FGF18: variants seen among roughly 807,000 people sequenced by gnomAD.
The protein encoded by FGF18 is fibroblast growth factor 18.
In FGF18, 5 loss-of-function variants were observed where a neutral mutation model predicts 23.0. That is an observed-to-expected ratio of 0.22 (90% CI 0.11 to 0.46). The LOEUF (loss-of-function observed/expected upper bound fraction) is 0.46. Among genes scored for constraint, FGF18 ranks in the 20% least tolerant of loss-of-function variants. The probability of loss-of-function intolerance (pLI) is 0.99; values close to 1 mark genes in which losing one functional copy is unlikely to be tolerated. For missense variants in FGF18, 180 were observed against 291.6 expected, an observed-to-expected ratio of 0.62 and a Z score of 2.79; for synonymous variants, 117 against 118.9, an observed-to-expected ratio of 0.98 and a Z score of 0.10.
intron 3 of FGF18, among the ~76,000 whole-genome samples, chr5:171,443,227 T>C (rs1561888915): frequency 6.6e-6 from 1 of 152,102 alleles, no homozygotes; most frequent in Non-Finnish European, 1.5e-5. Flanking sequence ...CCTCCAAGGT[T>C]CAAGTGATTC....
At position 171,419,963 on chromosome 5, in the gene FGF18, C is replaced by T. The variant is rs1481702156; in HGVS notation, c.-237C>T. ...TGCACAGCGGCTGCCGCCCCGCAGC[C>T]CCTGCGCCAGCCCGGAGGGCGCAGC... On this transcript the variant is annotated 5_prime_UTR_variant, in exon 1 of 5. Coordinates refer to ENST00000274625, the MANE Select transcript of FGF18 (RefSeq NM_003862.3). 5.9e-6 allele frequency: 1 copy of T among 170,782 alleles called. No individual in the cohort carries two copies. Among genetic ancestry groups the T allele is most frequent in the African/African-American group, 2.4e-5 (1 of 41,648 alleles). The allele number at this position is 170,782 out of a possible 1,614,324, so 10.6% of individuals were successfully genotyped here. A position where few individuals can be genotyped will look rare whatever the true frequency, so the allele number is the denominator to read the frequency against.
At chr5:171,453,393 G>T (rs187206949) in intron 4 of FGF18, among the ~76,000 whole-genome samples, 1 of 152,198 alleles carries the variant, frequency 6.6e-6, no homozygotes, top group Non-Finnish European at 1.5e-5. Context: ...CATTGAGCCC[G>T]CGTGACTGGC....
At chr5:171,446,285 C>T (rs778801725) in intron 3 of FGF18, among the ~76,000 whole-genome samples, 28 of 152,108 alleles carry the variant, frequency 1.8e-4, no homozygotes, top group Non-Finnish European at 3.2e-4. Context: ...TTGGACAGCT[C>T]AGGCAAAGGC....
chr5:171,433,516 C>T (rs1772208778), intron 2 of FGF18, among the ~76,000 whole-genome samples: 1 of 152,130 alleles, frequency 6.6e-6, no homozygotes, highest in Admixed American at 6.5e-5. Context: ...GACAAATGCC[C>T]ACCAGGTGTG....
chr5:171,420,561 GCACCTGTTCCC>G, intron 2 of FGF18, 118 bp downstream of exon 2: 1 of 990,698 alleles, frequency 1.0e-6, no homozygotes, highest in East Asian at 2.5e-5. Context: ...TGAGCCCAGT[GCACCTGTTCCC>G]AGGGCGCGGA....
At chr5:171,435,788 C>T (rs1040133723) in intron 2 of FGF18, among the ~76,000 whole-genome samples, 10 of 152,148 alleles carry the variant, frequency 6.6e-5, no homozygotes, top group South Asian at 2.1e-4. Flanking sequence ...TACCGAGAAT[C>T]GTTCTTGCTT....
chr5:171,450,833 A>G (rs1772491744), intron 4 of FGF18, among the ~76,000 whole-genome samples: 2 of 151,612 alleles, frequency 1.3e-5, no homozygotes, highest in Non-Finnish European at 2.9e-5. Context: ...GCCCCGCGTC[A>G]GGCGCTTTGT....
chr5:171,427,804 G>C (rs552081373), intron 2 of FGF18, among the ~76,000 whole-genome samples: 1 of 152,134 alleles, frequency 6.6e-6, no homozygotes, highest in Non-Finnish European at 1.5e-5. Flanking sequence ...TGTTTCCCCC[G>C]ATCCCCATCC....
rs1196376835 is a variant in FGF18 at position 171,440,571 on chromosome 5, C to T, written c.250+4298C>T. Among the ~76,000 whole-genome samples the T allele has an allele frequency of 6.6e-6, 1 of 152,110 alleles. No individual in the cohort carries two copies. Among genetic ancestry groups the T allele is most frequent in the Non-Finnish European group, 1.5e-5 (1 of 68,026 alleles). ...TCAAAGAGCCTTCAGTCTAGGGCCC[C>T]CATTCCTTACTAGAGGCTGACTTTG... On this transcript the variant is annotated intron_variant, in intron 3 of 4. Transcript: ENST00000274625. The surrounding 1 kb of genome is among the most constrained non-coding windows in gnomAD (Gnocchi z 4.0).
intron 2 of FGF18, among the ~76,000 whole-genome samples, chr5:171,433,052 CG>C (rs928050150): frequency 9.3e-4 from 141 of 152,298 alleles, no homozygotes; most frequent in African/African-American, 3.3e-3. Context: ...CTGGGAAGCC[CG>C]GGGTGCTTCC....
chr5:171,420,553 A>C, intron 2 of FGF18, 110 bp downstream of exon 2: 4 of 1,041,378 alleles, frequency 3.8e-6, no homozygotes, highest in Non-Finnish European at 5.9e-6. Context: ...CTGGGCGCTG[A>C]GCCCAGTGCA....
At position 171,448,862 on chromosome 5, in the gene FGF18, C is replaced by G. The variant is rs572183812; in HGVS notation, c.251-285C>G. Among the ~76,000 whole-genome samples, 13 of 152,158 alleles carry G rather than the reference C, an allele frequency of 8.5e-5. No homozygotes were observed. The South Asian group carries it at 2.5e-3, about 29-fold the overall frequency. The stretch of plus-strand genomic sequence containing the variant: ...CACAGGGGGCAGAACTCCCTTCTGG[C>G]TGGAGCCATCTGGATCCCAAGTGGA... On this transcript the variant is annotated intron_variant, in intron 3 of 4. Transcript: ENST00000274625.
chr5:171,436,202 G>A lies in FGF18; in HGVS notation c.179G>A (p.Arg60Gln), dbSNP rs1400846901. The A allele has an allele frequency of 2.5e-6, 4 of 1,607,476 alleles. No individual in the cohort carries two copies. The highest frequency in any genetic ancestry group is 2.3e-5 in the East Asian group (1 of 44,164). ...CTGCGGCTGTACCAGCTCTACAGCC[G>A]GACCAGTGGGAAACACATCCAGGTC... ...KQLRLYQLYS[R>Q]TSGKHIQVLG... is the part of the protein sequence containing the mutation. Residue 60 changes from arginine (R) to glutamine (Q), a missense_variant, in exon 3 of 5, where the codon CGG becomes CAG. Arg to Gln is a conservative substitution (Grantham distance 43). Transcript: ENST00000274625. The surrounding 1 kb of genome is among the most constrained non-coding windows in gnomAD (Gnocchi z 4.4).
At position 171,420,389 on chromosome 5, in the gene FGF18, T is replaced by C. The variant is rs771094811; in HGVS notation, c.33-18T>C. ...TTCCTCAGGTCCCACTGACCGCTTC[T>C]CCATCTGTTTCCCGCAGGTGTTTAC... is the stretch of plus-strand genomic sequence containing the variant. On this transcript the variant is annotated intron_variant, in intron 1 of 4. Coordinates refer to ENST00000274625, the MANE Select transcript of FGF18 (RefSeq NM_003862.3). 6.8e-6 allele frequency: 11 copies of C among 1,613,324 alleles called. No homozygotes were observed. The highest frequency in any genetic ancestry group is 9.3e-6 in the Non-Finnish European group (11 of 1,179,706).
At chr5:171,444,655 AG>A (rs1772392410) in intron 3 of FGF18, among the ~76,000 whole-genome samples, 1 of 152,074 alleles carries the variant, frequency 6.6e-6, no homozygotes, top group Non-Finnish European at 1.5e-5. Flanking sequence ...GAGTCGCACC[AG>A]GAAGGCGCAC....
intron 3 of FGF18, among the ~76,000 whole-genome samples, chr5:171,444,079 G>A (rs1454383939): frequency 6.6e-6 from 1 of 152,060 alleles, no homozygotes; most frequent in Non-Finnish European, 1.5e-5. Context: ...CGGTATCAAA[G>A]GTATCTTTCT....
chr5:171,450,928 C>T (rs1460462962), intron 4 of FGF18, among the ~76,000 whole-genome samples: 1 of 152,000 alleles, frequency 6.6e-6, no homozygotes, highest in Non-Finnish European at 1.5e-5. Context: ...CAGGGGCCAG[C>T]GGCACCCGCC....
intron 3 of FGF18, among the ~76,000 whole-genome samples, chr5:171,446,803 G>A (rs1056665353): frequency 8.5e-5 from 13 of 152,066 alleles, no homozygotes; most frequent in Non-Finnish European, 1.8e-4. Flanking sequence ...AGCCTAGGAC[G>A]GCAATGCCAG....
rs1053753684 is a variant in FGF18 at position 171,434,600 on chromosome 5, A to T, written c.70-1493A>T. Among the ~76,000 whole-genome samples, 1 of 152,132 alleles carries T rather than the reference A, an allele frequency of 6.6e-6. No individual in the cohort carries two copies. The highest frequency in any genetic ancestry group is 6.5e-5 in the Admixed American group (1 of 15,278). On this transcript the variant is annotated intron_variant, in intron 2 of 4. Transcript: ENST00000274625. The surrounding 1 kb of genome is among the most constrained non-coding windows in gnomAD (Gnocchi z 4.6). ...CCAGAATGCTGTCTGGGCTTCAGGAATGGCTCAGCCTTGTGGTTGACATGG... is the reference window on the plus strand; with the variant it reads ...CCAGAATGCTGTCTGGGCTTCAGGATTGGCTCAGCCTTGTGGTTGACATGG...
Sources: allele counts gnomAD v4.1 joint callset (sites outside exome capture counted in the v4.1 genomes callset), GRCh38; gene constraint gnomAD v4.1.1; non-coding constraint Gnocchi (gnomAD v3.1); transcripts MANE v1.5; gene names NCBI Gene and HGNC (gene_info 2026-07-23, HGNC 2026-07-21).